The following SNTB1 variants were observed in gnomAD, a reference collection of about 807,000 sequenced individuals.
The protein encoded by SNTB1 is syntrophin beta 1.
SNTB1 carries 36 observed loss-of-function variants against 48.9 expected under a neutral mutation model. That is an observed-to-expected ratio of 0.74 (90% CI 0.56 to 0.97). The LOEUF is 0.97. SNTB1 is among the 50% of genes least tolerant of loss of function. The pLI is 0.00. For missense variants in SNTB1, 786 were observed against 703.4 expected, an observed-to-expected ratio of 1.12 and a Z score of -1.33; for synonymous variants, 299 against 294.6, an observed-to-expected ratio of 1.01 and a Z score of -0.15.
chr8:120,642,281 T>C (rs1458696632), intron 2 of SNTB1, among the ~76,000 whole-genome samples: 1 of 152,172 alleles, frequency 6.6e-6, no homozygotes. Flanking sequence ...CTTTTTATCA[T>C]CAAAAAGAAC....
chr8:120,656,919 T>G (rs1195424297), intron 2 of SNTB1, among the ~76,000 whole-genome samples: 2 of 152,154 alleles, frequency 1.3e-5, no homozygotes, highest in Admixed American at 6.5e-5. Flanking sequence ...ATAGATAAAC[T>G]GTGAGGTGGC....
rs57627789 is a variant in SNTB1, at chr8:120,612,203, C to T, written c.996+20241G>A. On this transcript the variant is annotated intron_variant, in intron 3 of 6. Coordinates refer to ENST00000517992, the MANE Select transcript of SNTB1 (RefSeq NM_021021.4). ...ATAACAATAACAGTAGCCATTACTA[C>T]GAATGAGATCTTATAATATCAGATG... 2.1e-3 allele frequency among the ~76,000 whole-genome samples: 313 copies of T among 152,284 alleles called. 2 individuals are homozygous for T. The highest frequency in any genetic ancestry group is 6.7e-3 in the African/African-American group (279 of 41,558).
Position 120,538,977 on chromosome 8 carries a change from T to A in SNTB1, c.1525-8A>T. 9 of 1,604,452 alleles carry A rather than the reference T, an allele frequency of 5.6e-6. No individual in the cohort carries two copies. The highest frequency in any genetic ancestry group is 7.7e-6 in the Non-Finnish European group (9 of 1,176,442). On this transcript the variant is annotated splice_polypyrimidine_tract_variant and splice_region_variant and intron_variant, in intron 6 of 6. Coordinates refer to ENST00000517992, the MANE Select transcript of SNTB1 (RefSeq NM_021021.4). ...GGAATGAAGGTCCAGTTGCTGAAAT[T>A]TAAAAAGAAGAGAGCATGAGCGATT... is the stretch of plus-strand genomic sequence containing the variant.
At chr8:120,760,290 A>G (rs1369826438) in intron 1 of SNTB1, among the ~76,000 whole-genome samples, 3 of 149,250 alleles carry the variant, frequency 2.0e-5, no homozygotes, top group South Asian at 2.1e-4. Context: ...CACAATAAGA[A>G]ACAAGCCAAA....
At position 120,734,625 on chromosome 8, in the gene SNTB1, T is replaced by C. The variant is rs549253180; in HGVS notation, c.572-40717A>G. ...ATAAGACCGATGGAAATAATGCTCC[T>C]GGGTTATCGAACAATTAGATGGCAA... On this transcript the variant is annotated intron_variant, in intron 1 of 6. Transcript: ENST00000517992. 1.0e-3 allele frequency among the ~76,000 whole-genome samples: 158 copies of C among 152,294 alleles called. 2 individuals carry two copies. The highest frequency in any genetic ancestry group is 3.5e-3 in the African/African-American group (145 of 41,572).
chr8:120,693,670 G>A lies in SNTB1; in HGVS notation c.788+22C>T, dbSNP rs373307162. The A allele has an allele frequency of 1.3e-5, 21 of 1,605,096 alleles. No homozygotes were observed. The African/African-American group carries it at 2.1e-4, about 16-fold the overall frequency. The stretch of plus-strand genomic sequence containing the variant: ...AGGCCGAGGAGCTGCTTGATACAGT[G>A]GAGAGTTTTGACCCTATTTACCTGT... On this transcript the variant is annotated intron_variant, in intron 2 of 6. Transcript: ENST00000517992.
At chr8:120,713,153 A>C (rs1414848761) in intron 1 of SNTB1, among the ~76,000 whole-genome samples, 2 of 152,164 alleles carry the variant, frequency 1.3e-5, no homozygotes, top group Non-Finnish European at 2.9e-5. Context: ...CTGCATGAGA[A>C]TGGACAACTC....
chr8:120,573,728 G>A (rs994878142), intron 4 of SNTB1, among the ~76,000 whole-genome samples: 1 of 152,092 alleles, frequency 6.6e-6, no homozygotes, highest in African/African-American at 2.4e-5. Flanking sequence ...GTGTAAAATA[G>A]GGTTCATTGT....
At chr8:120,564,790 C>T (rs1310995335) in intron 4 of SNTB1, among the ~76,000 whole-genome samples, 2 of 151,912 alleles carry the variant, frequency 1.3e-5, no homozygotes, top group African/African-American at 2.4e-5. Flanking sequence ...AGGCTGGTCT[C>T]GAACTCCTGA....
At chr8:120,787,019 C>A (rs1416431211) in intron 1 of SNTB1, among the ~76,000 whole-genome samples, 1 of 152,176 alleles carries the variant, frequency 6.6e-6, no homozygotes, top group Non-Finnish European at 1.5e-5. Flanking sequence ...TCCAGCCCAA[C>A]AGGAGACAGT....
intron 4 of SNTB1, among the ~76,000 whole-genome samples, chr8:120,562,273 C>G (rs1563817827): frequency 1.3e-5 from 2 of 152,288 alleles, no homozygotes; most frequent in East Asian, 3.9e-4. Flanking sequence ...ACTACCGCCC[C>G]CTTTGTTCAG....
At chr8:120,806,227 T>C (rs1587178940) in intron 1 of SNTB1, among the ~76,000 whole-genome samples, 1 of 152,056 alleles carries the variant, frequency 6.6e-6, no homozygotes. Context: ...GCAGAAGGGG[T>C]GTCACACTGC....
intron 1 of SNTB1, among the ~76,000 whole-genome samples, chr8:120,783,786 C>T (rs1305752955): frequency 6.6e-6 from 1 of 152,018 alleles, no homozygotes; most frequent in Non-Finnish European, 1.5e-5. Flanking sequence ...TTCAACCAAC[C>T]ACAGATGGAA....
chr8:120,655,104 G>GT (rs1228461387), intron 2 of SNTB1: 1 of 310,962 alleles, frequency 3.2e-6, no homozygotes, highest in Non-Finnish European at 6.4e-6. Flanking sequence ...ATTTTGGGGT[G>GT]TTTTTATTTC....
chr8:120,770,773 A>C (rs1325208454), intron 1 of SNTB1, among the ~76,000 whole-genome samples: 3 of 152,208 alleles, frequency 2.0e-5, no homozygotes, highest in Non-Finnish European at 4.4e-5. Flanking sequence ...AGATTGTGGC[A>C]TTGCACTCCA....
At chr8:120,778,830 T>TA (rs1314619074) in intron 1 of SNTB1, among the ~76,000 whole-genome samples, 1 of 152,138 alleles carries the variant, frequency 6.6e-6, no homozygotes, top group Non-Finnish European at 1.5e-5. Flanking sequence ...TGGAATAGTC[T>TA]AAAAAAACTG....
chr8:120,541,748 T>C (rs1815292191), intron 6 of SNTB1, 62 bp downstream of exon 6: 1 of 1,256,938 alleles, frequency 8.0e-7, no homozygotes, highest in Non-Finnish European at 1.1e-6. Context: ...TAAGGCAGCA[T>C]TATGTTGCAT....
intron 2 of SNTB1, among the ~76,000 whole-genome samples, chr8:120,683,156 C>T (rs1434629168): frequency 2.0e-5 from 3 of 152,260 alleles, no homozygotes; most frequent in African/African-American, 7.2e-5. Context: ...GCTGGGATTA[C>T]AGGCGTGAGC....
chr8:120,693,663 A>T (rs1305730356), intron 2 of SNTB1, 29 bp downstream of exon 2: 3 of 1,598,322 alleles, frequency 1.9e-6, no homozygotes, highest in Non-Finnish European at 2.6e-6. Flanking sequence ...GAGCTGCTTG[A>T]TACAGTGGAG....
Sources: gnomAD v4.1 joint callset for allele counts (sites outside exome capture counted in the v4.1 genomes callset) on GRCh38, gnomAD v4.1.1 for gene constraint, MANE v1.5 for transcripts, NCBI Gene and HGNC (gene_info 2026-07-23, HGNC 2026-07-21) for gene names.